The following MYT1L variants were observed in gnomAD, a reference collection of about 807,000 sequenced individuals.
MYT1L encodes the protein myelin transcription factor 1-like protein.
A neutral mutation model predicts 126.7 loss-of-function variants in MYT1L; 12 were observed. That is an observed-to-expected ratio of 0.09 (90% CI 0.06 to 0.15). The LOEUF (loss-of-function observed/expected upper bound fraction) is 0.15. Ranked by LOEUF, MYT1L falls within the 10% of genes least tolerant of loss-of-function variation. The pLI is 1.00. For synonymous variants in MYT1L, 541 were observed against 604.2 expected (o/e 0.90, Z 1.53); for missense variants, 979 against 1,585.2 (o/e 0.62, Z 6.49).
chr2:1,839,683 A>C (rs1454189758), intron 20 of MYT1L, among the ~76,000 whole-genome samples: 2 of 152,230 alleles, frequency 1.3e-5, no homozygotes, highest in Non-Finnish European at 2.9e-5. Context: ...ATGCAGCTAC[A>C]CAAGCGTGTG....
intron 8 of MYT1L, among the ~76,000 whole-genome samples, chr2:1,946,230 T>C (rs1241429189): frequency 6.6e-6 from 1 of 152,090 alleles, no homozygotes. Context: ...CACACCCAGA[T>C]GGGACCATCT....
At chr2:1,997,900 C>G (rs2062010281) in intron 4 of MYT1L, among the ~76,000 whole-genome samples, 1 of 152,288 alleles carries the variant, frequency 6.6e-6, no homozygotes, top group Admixed American at 6.5e-5. Context: ...GTCATTTGGC[C>G]ATCAATTGAA....
chr2:1,942,907 G>A (rs977067713), intron 9 of MYT1L, 75 bp downstream of exon 9: 8 of 1,455,310 alleles, frequency 5.5e-6, no homozygotes, highest in Non-Finnish European at 7.2e-6. Context: ...GTCATTCGTA[G>A]TAACAGCCGG....
In MYT1L at chr2:2,287,742, A is replaced by G. The variant is rs1411074188; in HGVS notation, c.-520-3239T>C. Among the ~76,000 whole-genome samples the G allele has an allele frequency of 3.3e-5, 5 of 152,352 alleles. No individual in the cohort carries two copies. In the East Asian group the frequency reaches 9.7e-4, roughly 29 times the overall value. On this transcript the variant is annotated intron_variant, in intron 1 of 24. Transcript: ENST00000647738. ...TAGTTAATTAATAGTTATTTCATATAGTCTTTTAAACAAAGTTGTAGTTAT... is the reference window on the plus strand; with the variant it reads ...TAGTTAATTAATAGTTATTTCATATGGTCTTTTAAACAAAGTTGTAGTTAT...
chr2:2,144,031 T>C (rs1208204791), intron 3 of MYT1L, among the ~76,000 whole-genome samples: 5 of 152,024 alleles, frequency 3.3e-5, no homozygotes, highest in Non-Finnish European at 1.5e-5. Flanking sequence ...GGATCAACCG[T>C]ACCCCAAACC....
intron 22 of MYT1L, among the ~76,000 whole-genome samples, chr2:1,808,728 C>T (rs2036111304): frequency 6.6e-6 from 1 of 152,128 alleles, no homozygotes; most frequent in Non-Finnish European, 1.5e-5. Context: ...GGGGTGGCCC[C>T]AAAGCTGCTC....
rs1471128515 is a variant in MYT1L, at chr2:1,887,630, C to T, written c.2521-21G>A. The T allele has an allele frequency of 6.2e-7, 1 of 1,613,922 alleles. No individual in the cohort carries two copies. Among genetic ancestry groups the T allele is most frequent in the Admixed American group, 1.7e-5 (1 of 60,028 alleles). On this transcript the variant is annotated intron_variant, in intron 16 of 24. Coordinates refer to ENST00000647738, the MANE Select transcript of MYT1L (RefSeq NM_001303052.2). This position sits in a 1 kb window ranked among gnomAD's most constrained non-coding sequence, Gnocchi z 4.8. The stretch of plus-strand genomic sequence containing the variant: ...TCTGGCTGTGGGCAAAACACAGCTT[C>T]AGAGCCACACGGATGATCACATGGC...
At chr2:2,240,936 C>A (rs188890579) in intron 2 of MYT1L, among the ~76,000 whole-genome samples, 74 of 152,280 alleles carry the variant, frequency 4.9e-4, no homozygotes, top group African/African-American at 1.7e-3. Flanking sequence ...CCCTGATTTC[C>A]CTTTCACAGA....
In MYT1L at chr2:1,943,389, A is replaced by G; in HGVS notation, c.153-55T>C. ...GAGAGAGAAAAAAAATATCTGTGTTACTGTCTTTTAAAATCAGACCAATGG... is the reference window on the plus strand; with the variant it reads ...GAGAGAGAAAAAAAATATCTGTGTTGCTGTCTTTTAAAATCAGACCAATGG... On this transcript the variant is annotated intron_variant, in intron 8 of 24. Coordinates refer to ENST00000647738, the MANE Select transcript of MYT1L (RefSeq NM_001303052.2). This position sits in a 1 kb window ranked among gnomAD's most constrained non-coding sequence, Gnocchi z 4.4. 6.8e-7 allele frequency: 1 copy of G among 1,468,406 alleles called. No individual in the cohort carries two copies. The allele number at this position is 1,468,406 out of a possible 1,614,324, so 91.0% of individuals were successfully genotyped here. A position where few individuals can be genotyped will look rare whatever the true frequency, so the allele number is the denominator to read the frequency against.
rs192596213 is a variant in MYT1L, at chr2:2,319,890, C to G, written c.-521+11077G>C. Among the ~76,000 whole-genome samples, 11 of 152,062 alleles carry G rather than the reference C, an allele frequency of 7.2e-5. No homozygotes were observed. The East Asian group carries it at 2.1e-3, about 30-fold the overall frequency. On this transcript the variant is annotated intron_variant, in intron 1 of 24. Coordinates refer to ENST00000647738, the MANE Select transcript of MYT1L (RefSeq NM_001303052.2). Reference sequence around the variant, plus strand: ...ACATAGTAGGTACTCAATATATGCACATTGTATTAATTATTCAGTTATGGC... The same window carrying G: ...ACATAGTAGGTACTCAATATATGCAGATTGTATTAATTATTCAGTTATGGC...
chr2:2,301,448 T>C (rs544278722), intron 1 of MYT1L, among the ~76,000 whole-genome samples: 18 of 152,312 alleles, frequency 1.2e-4, no homozygotes, highest in African/African-American at 4.1e-4. Context: ...TGTCAGGCAC[T>C]GCCCTCAGCA....
intron 5 of MYT1L, among the ~76,000 whole-genome samples, chr2:1,980,779 T>G (rs888356411): frequency 3.9e-5 from 6 of 152,120 alleles, no homozygotes. Flanking sequence ...TGCTGTTGCG[T>G]GGTAAATATA....
chr2:1,988,291 C>T lies in MYT1L; in HGVS notation c.1-8514G>A, dbSNP rs550587903. On this transcript the variant is annotated intron_variant, in intron 5 of 24. Coordinates refer to ENST00000647738, the MANE Select transcript of MYT1L (RefSeq NM_001303052.2). ...GCCTGCACCTCCCATTCCTGCGGAGCGCCGGGCACACAGCAGGGCTGCCTG... is the reference window on the plus strand; with the variant it reads ...GCCTGCACCTCCCATTCCTGCGGAGTGCCGGGCACACAGCAGGGCTGCCTG... Among the ~76,000 whole-genome samples, 5 of 152,326 alleles carry T rather than the reference C, an allele frequency of 3.3e-5. No individual in the cohort carries two copies. In the South Asian group the frequency reaches 6.2e-4, roughly 19 times the overall value.
intron 9 of MYT1L, among the ~76,000 whole-genome samples, chr2:1,931,681 G>A (rs2055008743): frequency 6.6e-6 from 1 of 152,066 alleles, no homozygotes; most frequent in Non-Finnish European, 1.5e-5. Context: ...GGTTATTTCT[G>A]GGCCTCCGTC....
intron 9 of MYT1L, among the ~76,000 whole-genome samples, chr2:1,932,742 T>C (rs1237450625): frequency 1.3e-5 from 2 of 149,986 alleles, no homozygotes; most frequent in African/African-American, 4.9e-5. Flanking sequence ...CCAGGGAGAG[T>C]GTTCTGGGGG....
At chr2:2,296,234 A>G (rs2149496618) in intron 1 of MYT1L, among the ~76,000 whole-genome samples, 1 of 152,324 alleles carries the variant, frequency 6.6e-6, no homozygotes, top group South Asian at 2.1e-4. Flanking sequence ...AACAAAAGCT[A>G]TTTAAGAGGC....
At chr2:2,148,115 C>A (rs2085171666) in intron 3 of MYT1L, among the ~76,000 whole-genome samples, 1 of 152,200 alleles carries the variant, frequency 6.6e-6, no homozygotes, top group African/African-American at 2.4e-5. Flanking sequence ...TTCCATTTCC[C>A]TGGTGCCCGC....
chr2:2,302,647 G>A lies in MYT1L; in HGVS notation c.-520-18144C>T, dbSNP rs143637876. Among the ~76,000 whole-genome samples, 686 of 152,230 alleles carry A rather than the reference G, an allele frequency of 4.5e-3. 8 individuals carry two copies. Among genetic ancestry groups the A allele is most frequent in the Admixed American group, 0.011 (172 of 15,298 alleles). On this transcript the variant is annotated intron_variant, in intron 1 of 24. Coordinates refer to ENST00000647738, the MANE Select transcript of MYT1L (RefSeq NM_001303052.2). Reference sequence around the variant, plus strand: ...CCTAGAAAGATAGACAGCTTTGTGCGCTCAAATGGCTGGGATCGAACAAAA... The same window carrying A: ...CCTAGAAAGATAGACAGCTTTGTGCACTCAAATGGCTGGGATCGAACAAAA...
At chr2:2,117,820 T>C (rs1249632423) in intron 3 of MYT1L, among the ~76,000 whole-genome samples, 1 of 151,928 alleles carries the variant, frequency 6.6e-6, no homozygotes. Flanking sequence ...AGGAAGAAAC[T>C]GGAGACAACC....
Sources: gnomAD v4.1 joint callset for allele counts (sites outside exome capture counted in the v4.1 genomes callset) on GRCh38, gnomAD v4.1.1 for gene constraint, Gnocchi (gnomAD v3.1) non-coding constraint, MANE v1.5 for transcripts, NCBI Gene and HGNC (gene_info 2026-07-23, HGNC 2026-07-21) for gene names.